Variants in CMTR1 observed in about 807,000 individuals in gnomAD.
The protein encoded by CMTR1 is cap-specific mRNA (nucleoside-2'-O-)-methyltransferase 1.
In CMTR1, 39 loss-of-function variants were observed where a neutral mutation model predicts 107.0. The ratio of observed to expected loss-of-function variants is 0.36; its 90% CI spans 0.28 to 0.48. CMTR1 has a LOEUF of 0.48. Among genes scored for constraint, CMTR1 ranks in the 20% least tolerant of loss-of-function variants. The pLI, the probability that CMTR1 is intolerant of heterozygous loss-of-function variation, is 0.99. For synonymous variants in CMTR1, 366 were observed against 379.5 expected (o/e 0.96, Z 0.41); for missense variants, 672 against 1,064.9 (o/e 0.63, Z 5.14).
At chr6:37,453,365 C>T (rs1761225486) in intron 8 of CMTR1, 53 bp downstream of exon 8, 6 of 1,492,816 alleles carry the variant, frequency 4.0e-6, no homozygotes, top group Non-Finnish European at 4.7e-6. Context: ...GCTTAAGTTT[C>T]AGTGGCTCAG....
Position 37,481,439 on chromosome 6 carries a change from T to C in CMTR1, c.*1294T>C, listed in dbSNP as rs1761855651. On this transcript the variant is annotated 3_prime_UTR_variant, in exon 24 of 24. Coordinates refer to ENST00000373451, the MANE Select transcript of CMTR1 (RefSeq NM_015050.3). ...AGTAGCACTGCTGAGATGCTGTATT[T>C]CCACCCAATTCTGGGTATATCAGTG... 4 of 1,170,728 alleles carry C rather than the reference T, an allele frequency of 3.4e-6. No individual in the cohort carries two copies. The South Asian group carries it at 5.1e-5, about 15-fold the overall frequency. 72.5% of individuals were successfully genotyped at this position (1,170,728 alleles called of 1,614,324 possible). A position where few individuals can be genotyped will look rare whatever the true frequency, so the allele number is the denominator to read the frequency against.
intron 13 of CMTR1, among the ~76,000 whole-genome samples, chr6:37,464,551 C>T (rs1761466437): frequency 6.6e-6 from 1 of 151,950 alleles, no homozygotes; most frequent in Admixed American, 6.6e-5. Context: ...AAAGTAACCC[C>T]TCTTCTGAGT....
intron 23 of CMTR1, 72 bp downstream of exon 23, chr6:37,479,327 C>G (rs1434913184): frequency 1.9e-6 from 2 of 1,058,392 alleles, no homozygotes; most frequent in East Asian, 4.7e-5. Flanking sequence ...AGCCAGCTGT[C>G]TTGGGGGCAC....
the CMTR1 span, among the ~76,000 whole-genome samples, chr6:37,424,448 C>G: frequency 6.6e-6 from 1 of 151,718 alleles, no homozygotes; most frequent in Admixed American, 6.6e-5. Context: ...CGGGTTTCGC[C>G]GTGTTAGCCA....
intron 22 of CMTR1, 40 bp from the exon 23 acceptor site, chr6:37,479,107 T>G: frequency 6.9e-7 from 1 of 1,439,208 alleles, no homozygotes; most frequent in South Asian, 1.1e-5. Context: ...ACAAGTGCTT[T>G]GTGTCCCTTC....
intron 8 of CMTR1, among the ~76,000 whole-genome samples, chr6:37,454,229 A>G (rs1761244147): frequency 1.3e-5 from 2 of 152,060 alleles, no homozygotes; most frequent in Non-Finnish European, 2.9e-5. Context: ...CCCTCATTCC[A>G]CTAGACCCCC....
In CMTR1 at chr6:37,476,072, G is replaced by T. The variant is rs1475149751; in HGVS notation, c.2037-54G>T. 1.9e-5 allele frequency: 29 copies of T among 1,563,714 alleles called. No homozygotes were observed. In the South Asian group the frequency reaches 2.6e-4, roughly 14 times the overall value. On this transcript the variant is annotated intron_variant, in intron 19 of 23. Transcript: ENST00000373451. Reference sequence around the variant, plus strand: ...CTGTGAAAATGCCCTGGGGGTAGGGGTGCTGGTGGAGGCATCCTTGGCTTG... The same window carrying T: ...CTGTGAAAATGCCCTGGGGGTAGGGTTGCTGGTGGAGGCATCCTTGGCTTG...
intron 2 of CMTR1, among the ~76,000 whole-genome samples, chr6:37,438,711 A>AGT (rs1173683397): frequency 6.6e-6 from 1 of 152,246 alleles, no homozygotes; most frequent in Non-Finnish European, 1.5e-5. Context: ...AATGCGTCAC[A>AGT]GTTTTCATTT....
In CMTR1 at chr6:37,466,972, C is replaced by T. The variant is rs539778503; in HGVS notation, c.1505+3964C>T. ...ATTACTTGTGCTCAGGAGTTTGAGA[C>T]TAGCCTGGGCAACATGGTGAAGCCC... On this transcript the variant is annotated intron_variant, in intron 13 of 23. Transcript: ENST00000373451. 4.6e-5 allele frequency among the ~76,000 whole-genome samples: 7 copies of T among 152,250 alleles called. No homozygotes were observed. The East Asian group carries it at 1.2e-3, about 25-fold the overall frequency.
At chr6:37,427,079 C>T in the CMTR1 span, among the ~76,000 whole-genome samples, 10 of 152,326 alleles carry the variant, frequency 6.6e-5, no homozygotes, top group South Asian at 6.2e-4. The surrounding 1 kb of genome is among the most constrained non-coding windows in gnomAD (Gnocchi z 4.4). Context: ...GGAACATGTG[C>T]ACCGCTGTCT....
intron 4 of CMTR1, 93 bp from the exon 5 acceptor site, chr6:37,450,158 C>A: frequency 1.9e-6 from 2 of 1,069,276 alleles, no homozygotes; most frequent in East Asian, 2.4e-5. Flanking sequence ...CTGTCTCAGT[C>A]CCTTTTGATT....
At chr6:37,428,061 A>AGAGAGAGAGAGGGAG in the CMTR1 span, among the ~76,000 whole-genome samples, 1 of 142,956 alleles carries the variant, frequency 7.0e-6, no homozygotes, top group African/African-American at 2.6e-5. Context: ...AGAGAGAGAG[A>AGAGAGAGAGAGGGAG]AACTCTCTAA....
the CMTR1 span, among the ~76,000 whole-genome samples, chr6:37,425,445 T>G: frequency 6.6e-6 from 1 of 151,462 alleles, no homozygotes; most frequent in African/African-American, 2.4e-5. Context: ...TACAGGCACG[T>G]GCCACGCCTG....
chr6:37,463,826 G>A (rs763258451), intron 13 of CMTR1, among the ~76,000 whole-genome samples: 11 of 152,016 alleles, frequency 7.2e-5, no homozygotes, highest in South Asian at 6.2e-4. Flanking sequence ...CCATATAAGC[G>A]CCCTCATTTT....
chr6:37,433,874 G>T (rs967041746), intron 1 of CMTR1, among the ~76,000 whole-genome samples: 2 of 152,232 alleles, frequency 1.3e-5, no homozygotes, highest in African/African-American at 4.8e-5. Context: ...TCCCGTGGAA[G>T]ATGATAGGGT....
In CMTR1 at chr6:37,478,644, C is replaced by T. The variant is rs1761792109; in HGVS notation, c.2266+123C>T. The T allele has an allele frequency of 2.7e-5, 20 of 740,842 alleles. No homozygotes were observed. The South Asian group carries it at 3.0e-4, about 11-fold the overall frequency. 45.9% of individuals were successfully genotyped at this position (740,842 alleles called of 1,614,324 possible). On this transcript the variant is annotated intron_variant, in intron 22 of 23. Coordinates refer to ENST00000373451, the MANE Select transcript of CMTR1 (RefSeq NM_015050.3). ...CCAGCTAAGGTGGGTAGCAGCCAGG[C>T]TGGCATTTCTCTGAGGCATATGTTA... is the stretch of plus-strand genomic sequence containing the variant.
chr6:37,445,414 AC>A (rs1182415471), intron 3 of CMTR1, among the ~76,000 whole-genome samples: 9 of 151,876 alleles, frequency 5.9e-5, no homozygotes, highest in African/African-American at 2.2e-4. Context: ...TTTAGTGAGA[AC>A]TTACAGATAG....
chr6:37,468,379 T>C (rs1761551596), intron 13 of CMTR1, among the ~76,000 whole-genome samples: 1 of 152,230 alleles, frequency 6.6e-6, no homozygotes, highest in Non-Finnish European at 1.5e-5. Context: ...TATAGTCTTT[T>C]AAAGATGCAC....
At position 37,479,142 on chromosome 6, in the gene CMTR1, A is replaced by AT. The variant is rs1164543430; in HGVS notation, c.2267-4dup. 6.2e-7 allele frequency: 1 copy of AT among 1,610,720 alleles called. No homozygotes were observed. ...CTGGGCTTCATCCCCTCTTCCTCCC[A>AT]TCAGAGCCCTGGACTATGGGATTCA... On this transcript the variant is annotated splice_polypyrimidine_tract_variant and splice_region_variant and intron_variant, in intron 22 of 23. Transcript: ENST00000373451.
Sources: gnomAD v4.1 joint callset for allele counts (sites outside exome capture counted in the v4.1 genomes callset) on GRCh38, gnomAD v4.1.1 for gene constraint, Gnocchi (gnomAD v3.1) non-coding constraint, MANE v1.5 for transcripts, NCBI Gene and HGNC (gene_info 2026-07-23, HGNC 2026-07-21) for gene names.